Variants in PIWIL2 observed in about 807,000 individuals in gnomAD.
PIWIL2 encodes the protein piwi like RNA-mediated gene silencing 2, also known as piwi-like protein 2.
PIWIL2 carries 81 observed loss-of-function variants against 116.5 expected under a neutral mutation model. The ratio of observed to expected loss-of-function variants is 0.70; its 90% CI spans 0.58 to 0.84. The LOEUF is 0.84. Among genes scored for constraint, PIWIL2 ranks in the 40% least tolerant of loss-of-function variants. The probability of loss-of-function intolerance (pLI) is 0.00; values close to 1 mark genes in which losing one functional copy is unlikely to be tolerated. For missense variants in PIWIL2, 1,272 were observed against 1,212.3 expected (o/e 1.05, Z -0.73); for synonymous variants, 489 against 429.5 (o/e 1.14, Z -1.71).
rs774591797 is a variant in PIWIL2 at position 22,334,395 on chromosome 8, GC to G, written c.2403+16122del. ...AAATTAGCTGGGCATCATGGCGGGCGCCTATAGCCCCAGCTACTCGGGAGAC... is the reference window on the plus strand; with the variant it reads ...AAATTAGCTGGGCATCATGGCGGGCGCTATAGCCCCAGCTACTCGGGAGAC... On this transcript the variant is annotated intron_variant, in intron 20 of 22. Coordinates refer to ENST00000356766, the MANE Select transcript of PIWIL2 (RefSeq NM_018068.5). Among the ~76,000 whole-genome samples the G allele has an allele frequency of 2.2e-4, 33 of 151,210 alleles. No individual in the cohort carries two copies. The East Asian group carries it at 4.1e-3, about 19-fold the overall frequency.
At chr8:22,297,195 G>T (rs539175561) in intron 10 of PIWIL2, among the ~76,000 whole-genome samples, 4 of 152,044 alleles carry the variant, frequency 2.6e-5, no homozygotes, top group Non-Finnish European at 2.9e-5. Context: ...TCACTGTGTT[G>T]CCAAGGCTGG....
intron 20 of PIWIL2, among the ~76,000 whole-genome samples, chr8:22,343,621 G>T (rs1192587439): frequency 1.3e-5 from 2 of 152,126 alleles, no homozygotes; most frequent in African/African-American, 4.8e-5. Context: ...TAGATAGATG[G>T]CAAATTAGCA....
At chr8:22,300,372 T>C (rs907561568) in intron 10 of PIWIL2, among the ~76,000 whole-genome samples, 6 of 152,230 alleles carry the variant, frequency 3.9e-5, no homozygotes, top group Non-Finnish European at 7.3e-5. Context: ...TACTGGGTAG[T>C]GTTCCATTTT....
chr8:22,354,425 G>C (rs757585977), intron 22 of PIWIL2, 47 bp downstream of exon 22: 4 of 1,240,854 alleles, frequency 3.2e-6, no homozygotes, highest in Non-Finnish European at 4.7e-6. Flanking sequence ...AATAATTCTG[G>C]CCTGCTAGCT....
chr8:22,281,237 G>A lies in PIWIL2; in HGVS notation c.286+30G>A, dbSNP rs1168469422. On this transcript the variant is annotated intron_variant, in intron 3 of 22. Coordinates refer to ENST00000356766, the MANE Select transcript of PIWIL2 (RefSeq NM_018068.5). Reference sequence around the variant, plus strand: ...GTGGAAAACTAACTTGAGAAATTTGGTGGTATGTATGATTGGTTTCTTCTA... The same window carrying A: ...GTGGAAAACTAACTTGAGAAATTTGATGGTATGTATGATTGGTTTCTTCTA... 87 of 1,566,160 alleles carry A rather than the reference G, an allele frequency of 5.6e-5. 1 individual carries two copies. In the East Asian group the frequency reaches 1.9e-3, roughly 34 times the overall value.
chr8:22,281,873 G>A (rs1260054305), intron 4 of PIWIL2, among the ~76,000 whole-genome samples: 1 of 146,616 alleles, frequency 6.8e-6, no homozygotes, highest in African/African-American at 2.5e-5. Flanking sequence ...CCAGGTTCAA[G>A]CAATTCTCCT....
At chr8:22,336,655 AC>A (rs908157245) in intron 20 of PIWIL2, among the ~76,000 whole-genome samples, 6 of 152,132 alleles carry the variant, frequency 3.9e-5, no homozygotes, top group African/African-American at 1.4e-4. Flanking sequence ...GCTTGTAGTT[AC>A]AGGTACTCCG....
chr8:22,338,401 A>C (rs1186692121), intron 20 of PIWIL2, among the ~76,000 whole-genome samples: 1 of 152,114 alleles, frequency 6.6e-6, no homozygotes, highest in Middle Eastern at 3.2e-3. Flanking sequence ...GGAATTAAAA[A>C]CATTAATGGC....
At position 22,311,300 on chromosome 8, in the gene PIWIL2, G is replaced by A. The variant is rs1831325043; in HGVS notation, c.1989G>A (p.Glu663=). The change falls in exon 16 of 23, where the codon GAG becomes GAA. Residue 663 remains glutamate (E), a splice_region_variant and synonymous_variant. Transcript: ENST00000356766. ...VRTIQSTLGA[E]GKIQMVVCII... ...CCATTCAATCCACGTTAGGAGCTGA[G>A]GTAAAAATGTAATTCAAATAAATTT... 6.3e-7 allele frequency: 1 copy of A among 1,590,224 alleles called. No homozygotes were observed. Among genetic ancestry groups the A allele is most frequent in the Non-Finnish European group, 8.5e-7 (1 of 1,170,018 alleles).
chr8:22,349,961 T>C (rs1244788794), intron 20 of PIWIL2, among the ~76,000 whole-genome samples: 2 of 152,182 alleles, frequency 1.3e-5, no homozygotes, highest in African/African-American at 4.8e-5. Flanking sequence ...CTTTGGTTAG[T>C]GAAGTGGTTC....
intron 1 of PIWIL2, among the ~76,000 whole-genome samples, chr8:22,278,838 G>A (rs1006350297): frequency 2.0e-5 from 3 of 152,122 alleles, no homozygotes; most frequent in South Asian, 2.1e-4. Context: ...TGTGAACTTC[G>A]CATTGGAGGG....
At chr8:22,287,727 T>TTTTGCTTTTAAGTC in intron 7 of PIWIL2, 82 bp downstream of exon 7, 1 of 890,970 alleles carries the variant, frequency 1.1e-6, no homozygotes, top group Non-Finnish European at 1.9e-6. Context: ...TTTTAAGAGA[T>TTTTGCTTTTAAGTC]TGGGTCTTGC....
chr8:22,334,938 C>G (rs1241899513), intron 20 of PIWIL2, among the ~76,000 whole-genome samples: 1 of 151,612 alleles, frequency 6.6e-6, no homozygotes, highest in Non-Finnish European at 1.5e-5. Flanking sequence ...ACCTGTAATC[C>G]CAGCTACTCA....
intron 16 of PIWIL2, among the ~76,000 whole-genome samples, chr8:22,312,529 G>A (rs927325631): frequency 2.0e-5 from 3 of 152,086 alleles, no homozygotes; most frequent in Non-Finnish European, 4.4e-5. Flanking sequence ...ACCTCCCAAA[G>A]CAGTGAGATT....
At chr8:22,289,542 C>T (rs137869570) in intron 8 of PIWIL2, among the ~76,000 whole-genome samples, 48 of 152,330 alleles carry the variant, frequency 3.2e-4, no homozygotes, top group African/African-American at 1.1e-3. Flanking sequence ...TAGCAATGGG[C>T]TGTCTTGCAT....
chr8:22,322,124 C>T (rs1292372933), intron 20 of PIWIL2: 1 of 220,990 alleles, frequency 4.5e-6, no homozygotes, highest in Non-Finnish European at 7.6e-6. Flanking sequence ...CCCTCATTGT[C>T]AACGTCTTGC....
At chr8:22,318,406 C>G in intron 20 of PIWIL2, 131 bp downstream of exon 20, 1 of 566,312 alleles carries the variant, frequency 1.8e-6, no homozygotes, top group South Asian at 2.2e-5. Context: ...CAACCTCTGC[C>G]TCCTGGGTTC....
chr8:22,287,351 C>A (rs1048342405), intron 6 of PIWIL2, among the ~76,000 whole-genome samples, 177 bp from the exon 7 acceptor site: 2 of 152,148 alleles, frequency 1.3e-5, no homozygotes, highest in African/African-American at 4.8e-5. Context: ...CCTATGGTTT[C>A]TGATGTTTCA....
At chr8:22,352,900 T>C in intron 20 of PIWIL2, 59 bp from the exon 21 acceptor site, 1 of 1,548,360 alleles carries the variant, frequency 6.5e-7, no homozygotes, top group Non-Finnish European at 8.8e-7. Flanking sequence ...GGCCTCTCAC[T>C]GACTGTGGTC....
Sources: allele counts gnomAD v4.1 joint callset (sites outside exome capture counted in the v4.1 genomes callset), GRCh38; gene constraint gnomAD v4.1.1; transcripts MANE v1.5; gene names NCBI Gene and HGNC (gene_info 2026-07-23, HGNC 2026-07-21).